GAREM1: variants seen among roughly 807,000 people sequenced by gnomAD.
GAREM1 encodes the protein GRB2 associated regulator of MAPK1 subtype 1.
In GAREM1, 26 loss-of-function variants were observed where a neutral mutation model predicts 71.3. That is an observed-to-expected ratio of 0.36 (90% confidence interval 0.27 to 0.51). The LOEUF (loss-of-function observed/expected upper bound fraction) is 0.51, where lower values mean the gene tolerates loss of function less well. GAREM1 is among the 20% of genes least tolerant of loss of function. The pLI is 0.95. For missense variants in GAREM1, 1,026 were observed against 1,103.1 expected (o/e 0.93, Z 0.99); for synonymous variants, 440 against 433.2 (o/e 1.02, Z -0.20).
At chr18:32,352,552 C>G (rs992927724) in intron 2 of GAREM1, among the ~76,000 whole-genome samples, 2 of 151,996 alleles carry the variant, frequency 1.3e-5, no homozygotes, top group African/African-American at 4.8e-5. Flanking sequence ...ACAAATGAAA[C>G]GGGAACTTGG....
chr18:32,378,822 C>T (rs1255937642), intron 2 of GAREM1, among the ~76,000 whole-genome samples: 1 of 152,202 alleles, frequency 6.6e-6, no homozygotes, highest in East Asian at 1.9e-4. Flanking sequence ...ACAGAATGTA[C>T]TATTTGCTAT....
rs575339769 is a variant in GAREM1, at chr18:32,265,907, G to C, written c.*1964C>G. The C allele has an allele frequency of 1.3e-5, 2 of 152,272 alleles. No individual in the cohort carries two copies. The highest frequency in any genetic ancestry group is 2.1e-4 in the South Asian group (1 of 4,826). The allele number at this position is 152,272 out of a possible 1,614,324, so 9.4% of individuals were successfully genotyped here. On this transcript the variant is annotated 3_prime_UTR_variant, in exon 6 of 6. Coordinates refer to ENST00000269209, the MANE Select transcript of GAREM1 (RefSeq NM_001242409.2). Reference sequence around the variant, plus strand: ...TTTTTATTTTAAAAAGAAGTTCTGAGAGGTTTACTTTACTAAGGGAGGCAG... The same window carrying C: ...TTTTTATTTTAAAAAGAAGTTCTGACAGGTTTACTTTACTAAGGGAGGCAG...
intron 2 of GAREM1, among the ~76,000 whole-genome samples, chr18:32,329,509 C>A (rs1351644816): frequency 6.6e-6 from 1 of 151,736 alleles, no homozygotes; most frequent in Non-Finnish European, 1.5e-5. Context: ...AGTTCAAGAC[C>A]AGCCTGGCCA....
chr18:32,468,244 G>A (rs1356701544), intron 1 of GAREM1, among the ~76,000 whole-genome samples: 1 of 152,130 alleles, frequency 6.6e-6, no homozygotes, highest in African/African-American at 2.4e-5. Context: ...ATTTTTAATA[G>A]CACAAAATAA....
chr18:32,422,250 T>C (rs375482361), intron 1 of GAREM1, among the ~76,000 whole-genome samples: 5 of 152,200 alleles, frequency 3.3e-5, no homozygotes, highest in African/African-American at 4.8e-5. Flanking sequence ...TTTGGTTTTT[T>C]GTCCTTGCCA....
At chr18:32,284,047 C>T (rs893585632) in intron 4 of GAREM1, among the ~76,000 whole-genome samples, 16 of 152,288 alleles carry the variant, frequency 1.1e-4, no homozygotes, top group Admixed American at 6.5e-4. Context: ...ATAACTTTTA[C>T]TTAATTCTGT....
At chr18:32,336,810 G>A (rs1391840069) in intron 2 of GAREM1, among the ~76,000 whole-genome samples, 1 of 152,164 alleles carries the variant, frequency 6.6e-6, no homozygotes, top group Non-Finnish European at 1.5e-5. Context: ...TAGACCAGAT[G>A]GGCTCCACTT....
At chr18:32,273,826 T>C (rs1196798824) in intron 4 of GAREM1, among the ~76,000 whole-genome samples, 1 of 152,208 alleles carries the variant, frequency 6.6e-6, no homozygotes, top group Admixed American at 6.5e-5. Context: ...CAGGGATTTT[T>C]TTCTGTTGTG....
chr18:32,428,498 A>G (rs2048595318), intron 1 of GAREM1, among the ~76,000 whole-genome samples: 1 of 150,698 alleles, frequency 6.6e-6, no homozygotes, highest in Non-Finnish European at 1.5e-5. Context: ...AGTGTGTAGC[A>G]CCTCTCCCCT....
chr18:32,410,437 C>T (rs2048405365), intron 1 of GAREM1, among the ~76,000 whole-genome samples: 1 of 152,142 alleles, frequency 6.6e-6, no homozygotes, highest in African/African-American at 2.4e-5. Flanking sequence ...CAGCCATGAA[C>T]TCCTGGGCTC....
chr18:32,410,129 C>A (rs2144682547), intron 1 of GAREM1, among the ~76,000 whole-genome samples: 1 of 152,314 alleles, frequency 6.6e-6, no homozygotes, highest in African/African-American at 2.4e-5. Context: ...AAAAGAATCA[C>A]ATAAGCAGAC....
At chr18:32,367,428 T>G (rs971633601) in intron 2 of GAREM1, among the ~76,000 whole-genome samples, 6 of 152,222 alleles carry the variant, frequency 3.9e-5, no homozygotes, top group African/African-American at 1.2e-4. Context: ...ACAAAGCCTC[T>G]TCTTCTCCTA....
intron 1 of GAREM1, among the ~76,000 whole-genome samples, chr18:32,456,795 C>T (rs11663181): frequency 0.21 from 31,272 of 151,886 alleles, 4,109 homozygotes; most frequent in Non-Finnish European, 0.29. Flanking sequence ...TAAAAGGAAA[C>T]AAATTAACTC....
At chr18:32,371,483 T>C (rs1025259212) in intron 2 of GAREM1, among the ~76,000 whole-genome samples, 2 of 152,184 alleles carry the variant, frequency 1.3e-5, no homozygotes, top group African/African-American at 4.8e-5. Context: ...TAAGTCACAT[T>C]TGATATGCAG....
chr18:32,392,864 T>A, intron 2 of GAREM1, 31 bp downstream of exon 2: 1 of 1,600,166 alleles, frequency 6.2e-7, no homozygotes, highest in Non-Finnish European at 8.5e-7. Context: ...TTTCTCTCGC[T>A]GCCTCATCTT....
chr18:32,394,568 G>A (rs181437117), intron 1 of GAREM1, among the ~76,000 whole-genome samples: 7 of 152,184 alleles, frequency 4.6e-5, no homozygotes, highest in East Asian at 3.9e-4. Flanking sequence ...CCAATTCATC[G>A]GGGGGATTTT....
At chr18:32,403,764 A>G (rs1353139463) in intron 1 of GAREM1, among the ~76,000 whole-genome samples, 1 of 152,122 alleles carries the variant, frequency 6.6e-6, no homozygotes, top group African/African-American at 2.4e-5. Flanking sequence ...TACTCATTTA[A>G]ACTGCAGTGA....
At chr18:32,286,726 G>A (rs113658252) in intron 4 of GAREM1, among the ~76,000 whole-genome samples, 6 of 152,090 alleles carry the variant, frequency 3.9e-5, no homozygotes, top group Admixed American at 2.0e-4. Context: ...TAATGCAGTC[G>A]CCTCTTCTCT....
chr18:32,357,424 A>T (rs1425033150), intron 2 of GAREM1, among the ~76,000 whole-genome samples: 2 of 152,124 alleles, frequency 1.3e-5, no homozygotes, highest in African/African-American at 4.8e-5. Context: ...CTTTATCTCA[A>T]TGTGCAAGTG....
Sources: gnomAD v4.1 joint callset for allele counts (sites outside exome capture counted in the v4.1 genomes callset) on GRCh38, gnomAD v4.1.1 for gene constraint, MANE v1.5 for transcripts, NCBI Gene and HGNC (gene_info 2026-07-23, HGNC 2026-07-21) for gene names.